The following SPAG16 variants were observed in gnomAD, a reference collection of about 807,000 sequenced individuals.
The protein encoded by SPAG16 is sperm associated antigen 16, also known as sperm-associated antigen 16 protein.
In SPAG16, 86 loss-of-function variants were observed where a neutral mutation model predicts 80.4. The ratio of observed to expected loss-of-function variants is 1.07; its 90% CI spans 0.90 to 1.28. The LOEUF (loss-of-function observed/expected upper bound fraction) is 1.28. Among genes scored for constraint, SPAG16 ranks in the 50% most tolerant of loss-of-function variants. The pLI, the probability that SPAG16 is intolerant of heterozygous loss-of-function variation, is 0.00. For synonymous variants in SPAG16, 294 were observed against 265.9 expected, an observed-to-expected ratio of 1.11 and a Z score of -1.03; for missense variants, 870 against 765.3, an observed-to-expected ratio of 1.14 and a Z score of -1.61.
intron 15 of SPAG16, among the ~76,000 whole-genome samples, chr2:214,165,182 A>G (rs928627428): frequency 2.7e-5 from 4 of 149,670 alleles, no homozygotes; most frequent in African/African-American, 7.3e-5. Flanking sequence ...TTGCATCTGC[A>G]TAAGTTTGCA....
chr2:214,177,328 C>A (rs994447283), intron 15 of SPAG16, among the ~76,000 whole-genome samples: 4 of 151,070 alleles, frequency 2.6e-5, no homozygotes, highest in Admixed American at 2.0e-4. Context: ...GGTTCAAAAT[C>A]TAACCCTTTA....
At chr2:214,289,947 G>A (rs1693668860) in intron 15 of SPAG16, among the ~76,000 whole-genome samples, 1 of 152,050 alleles carries the variant, frequency 6.6e-6, no homozygotes. Context: ...ATGATTTAGG[G>A]AGAGTTCTCA....
intron 10 of SPAG16, among the ~76,000 whole-genome samples, chr2:213,579,160 C>T (rs1308130013): frequency 1.3e-5 from 2 of 152,024 alleles, no homozygotes. Context: ...CATTTGAGCA[C>T]ACTTTGAGTT....
intron 10 of SPAG16, among the ~76,000 whole-genome samples, chr2:213,672,656 T>G (rs1490449817): frequency 6.6e-6 from 1 of 152,166 alleles, no homozygotes; most frequent in Non-Finnish European, 1.5e-5. Context: ...CTTCTTATAT[T>G]ATCAGTTTCT....
At chr2:213,320,154 T>C (rs116559663) in intron 5 of SPAG16, among the ~76,000 whole-genome samples, 2,170 of 152,108 alleles carry the variant, frequency 0.014, 25 homozygotes, top group South Asian at 0.038. Context: ...CTGGTTCTAC[T>C]GATACATTCT....
chr2:213,637,454 T>G (rs954000697), intron 10 of SPAG16, among the ~76,000 whole-genome samples: 3 of 152,206 alleles, frequency 2.0e-5, no homozygotes, highest in Non-Finnish European at 2.9e-5. Context: ...ACTGGCTTCA[T>G]AGAATGATTT....
intron 10 of SPAG16, among the ~76,000 whole-genome samples, chr2:213,739,383 A>G (rs933437397): frequency 7.9e-5 from 12 of 152,208 alleles, no homozygotes; most frequent in Admixed American, 6.5e-4. Context: ...TAAATTCTCA[A>G]ATGCACATCT....
chr2:214,106,841 A>G (rs1304832121), intron 13 of SPAG16, among the ~76,000 whole-genome samples: 1 of 152,082 alleles, frequency 6.6e-6, no homozygotes, highest in Non-Finnish European at 1.5e-5. Context: ...TGTTCCAGAA[A>G]TGTGTGAGGC....
chr2:213,608,415 C>T (rs1247869293), intron 10 of SPAG16, among the ~76,000 whole-genome samples: 1 of 152,098 alleles, frequency 6.6e-6, no homozygotes, highest in Non-Finnish European at 1.5e-5. Context: ...TGAGTGAGAA[C>T]ATGCGGTGTT....
chr2:213,645,135 C>A (rs2062774247), intron 10 of SPAG16, among the ~76,000 whole-genome samples: 1 of 152,232 alleles, frequency 6.6e-6, no homozygotes, highest in Admixed American at 6.5e-5. Context: ...GCCACAACCA[C>A]CGCAGGCCAT....
chr2:214,004,847 G>C (rs2046957299), intron 12 of SPAG16, among the ~76,000 whole-genome samples: 2 of 152,224 alleles, frequency 1.3e-5, no homozygotes, highest in South Asian at 2.1e-4. Flanking sequence ...GTTCCGAGGA[G>C]CCTGGCTAGC....
chr2:213,840,400 C>T (rs1372781541), intron 10 of SPAG16, among the ~76,000 whole-genome samples: 2 of 152,110 alleles, frequency 1.3e-5, no homozygotes, highest in Admixed American at 6.6e-5. Context: ...CTTTCCCCCT[C>T]CCACAATCTC....
At chr2:213,937,840 A>G (rs2079049151) in intron 12 of SPAG16, among the ~76,000 whole-genome samples, 1 of 152,032 alleles carries the variant, frequency 6.6e-6, no homozygotes, top group Admixed American at 6.6e-5. Flanking sequence ...GTAAGTGTCC[A>G]CTGCAATAAA....
In SPAG16 at chr2:213,342,531, A is replaced by G. The variant is rs189523474; in HGVS notation, c.644+2261A>G. 5.9e-5 allele frequency among the ~76,000 whole-genome samples: 9 copies of G among 151,856 alleles called. No individual in the cohort carries two copies. In the East Asian group the frequency reaches 1.3e-3, roughly 23 times the overall value. On this transcript the variant is annotated intron_variant, in intron 6 of 15. Coordinates refer to ENST00000331683, the MANE Select transcript of SPAG16 (RefSeq NM_024532.5). ...AACTGCACTTTAATACTTAATTTCT[A>G]TTGCTATCATCAATGAGGTATAATG... is the stretch of plus-strand genomic sequence containing the variant.
chr2:213,759,939 G>A (rs1288639220), intron 10 of SPAG16, among the ~76,000 whole-genome samples: 1 of 152,018 alleles, frequency 6.6e-6, no homozygotes, highest in Non-Finnish European at 1.5e-5. Context: ...TGAGGCTGAG[G>A]GAGGAGAATC....
At chr2:214,370,597 G>C (rs758503288) in intron 15 of SPAG16, among the ~76,000 whole-genome samples, 3 of 152,022 alleles carry the variant, frequency 2.0e-5, no homozygotes, top group Non-Finnish European at 2.9e-5. Context: ...GAACATTTAA[G>C]GTCTACTCTC....
chr2:213,760,330 A>C (rs2125518280), intron 10 of SPAG16, among the ~76,000 whole-genome samples: 1 of 152,288 alleles, frequency 6.6e-6, no homozygotes, highest in African/African-American at 2.4e-5. Context: ...AAGGCAAAGA[A>C]GGACATTCTA....
intron 11 of SPAG16, among the ~76,000 whole-genome samples, chr2:213,920,226 T>C (rs911393547): frequency 6.6e-6 from 1 of 152,198 alleles, no homozygotes; most frequent in African/African-American, 2.4e-5. Flanking sequence ...TGAATCTTGG[T>C]TCTTTATCCA....
At chr2:213,608,971 T>C (rs2061357044) in intron 10 of SPAG16, among the ~76,000 whole-genome samples, 1 of 152,128 alleles carries the variant, frequency 6.6e-6, no homozygotes, top group Admixed American at 6.5e-5. Context: ...GCGTGAGCCA[T>C]CGCACCCAGC....
Sources: allele counts gnomAD v4.1 joint callset (sites outside exome capture counted in the v4.1 genomes callset), GRCh38; gene constraint gnomAD v4.1.1; transcripts MANE v1.5; gene names NCBI Gene and HGNC (gene_info 2026-07-23, HGNC 2026-07-21).